ERBB4: variants seen among roughly 807,000 people sequenced by gnomAD.
The protein encoded by ERBB4 is receptor tyrosine-protein kinase erbB-4.
In ERBB4, 42 loss-of-function variants were observed where a neutral mutation model predicts 158.0. That is an observed-to-expected ratio of 0.27 (90% CI 0.21 to 0.34). ERBB4 has a LOEUF of 0.34. Ranked by LOEUF, ERBB4 falls within the 10% of genes least tolerant of loss-of-function variation. The probability of loss-of-function intolerance (pLI) is 1.00; values close to 1 mark genes in which losing one functional copy is unlikely to be tolerated. For synonymous variants in ERBB4, 583 were observed against 558.7 expected, an observed-to-expected ratio of 1.04 and a Z score of -0.61; for missense variants, 1,333 against 1,624.1, an observed-to-expected ratio of 0.82 and a Z score of 3.08.
rs181106637 is a variant in ERBB4 at position 211,549,310 on chromosome 2, C to A, written c.2487+12593G>T. 2.6e-5 allele frequency among the ~76,000 whole-genome samples: 4 copies of A among 151,966 alleles called. 1 individual carries two copies. The highest frequency in any genetic ancestry group is 9.7e-5 in the African/African-American group (4 of 41,396). On this transcript the variant is annotated intron_variant, in intron 20 of 27. Transcript: ENST00000342788. ...GGAACATAGAAAAGGCAGAACTCAA[C>A]CACCTAGAAAACAAAAGGCTAGTTT...
At chr2:211,619,137 T>C (rs988416469) in intron 19 of ERBB4, 40 bp downstream of exon 19, 2 of 1,200,978 alleles carry the variant, frequency 1.7e-6, no homozygotes, top group Non-Finnish European at 1.2e-6. Context: ...GGCTATTTGA[T>C]AATGGAGAAA....
intron 3 of ERBB4, among the ~76,000 whole-genome samples, chr2:211,828,295 T>G (rs1407446835): frequency 6.6e-6 from 1 of 152,140 alleles, no homozygotes; most frequent in Non-Finnish European, 1.5e-5. Flanking sequence ...TGTAGTTACG[T>G]ATTAACGAGG....
At chr2:211,784,120 A>G (rs2076100865) in intron 4 of ERBB4, among the ~76,000 whole-genome samples, 2 of 152,216 alleles carry the variant, frequency 1.3e-5, no homozygotes, top group Admixed American at 1.3e-4. Context: ...AGAGAACATA[A>G]TATTTACCAT....
intron 20 of ERBB4, among the ~76,000 whole-genome samples, chr2:211,485,847 A>G (rs2065191177): frequency 6.9e-6 from 1 of 144,114 alleles, no homozygotes; most frequent in Non-Finnish European, 1.5e-5. Flanking sequence ...CCTAAAACTT[A>G]AAGTATAATA....
intron 1 of ERBB4, among the ~76,000 whole-genome samples, chr2:212,415,656 G>T (rs970993917): frequency 2.6e-5 from 4 of 151,964 alleles, no homozygotes; most frequent in African/African-American, 9.7e-5. Flanking sequence ...TTATTTAGAA[G>T]ACATTGATAT....
chr2:211,483,894 A>C (rs1475759897), intron 20 of ERBB4, among the ~76,000 whole-genome samples: 1 of 152,190 alleles, frequency 6.6e-6, no homozygotes, highest in Non-Finnish European at 1.5e-5. Flanking sequence ...ACAAGTAAGA[A>C]GATAAAGAGC....
intron 2 of ERBB4, among the ~76,000 whole-genome samples, chr2:211,965,776 TA>T (rs1241108491): frequency 2.5e-4 from 38 of 152,344 alleles, no homozygotes; most frequent in African/African-American, 8.7e-4. Flanking sequence ...TTGATTTCTA[TA>T]TATTTCTATA....
intron 3 of ERBB4, among the ~76,000 whole-genome samples, chr2:211,943,797 TA>T (rs1319426803): frequency 6.6e-6 from 1 of 152,056 alleles, no homozygotes. Flanking sequence ...TGAAAGTATG[TA>T]AATAAGATCT....
chr2:211,794,217 T>C (rs1575157456), intron 3 of ERBB4, among the ~76,000 whole-genome samples: 2 of 152,062 alleles, frequency 1.3e-5, no homozygotes, highest in African/African-American at 4.8e-5. Flanking sequence ...CTACAATTCT[T>C]AGCTTTCATT....
chr2:212,000,118 C>T (rs761461886), intron 2 of ERBB4, among the ~76,000 whole-genome samples: 6 of 151,620 alleles, frequency 4.0e-5, no homozygotes, highest in Non-Finnish European at 8.9e-5. Context: ...AAGGTATTAA[C>T]ACTACCATTT....
chr2:211,965,335 T>C (rs2081284482), intron 2 of ERBB4, among the ~76,000 whole-genome samples: 1 of 152,208 alleles, frequency 6.6e-6, no homozygotes, highest in South Asian at 2.1e-4. Context: ...TTTAAATCAC[T>C]GACAATAATT....
Position 211,732,805 on chromosome 2 carries a change from G to A in ERBB4, c.623-7611C>T, listed in dbSNP as rs868455730. ...CCATCTCTACTAAAAAAGAAACCCC[G>A]TCTCTACTAAAAAGTACAAAAATTA... is the stretch of plus-strand genomic sequence containing the variant. On this transcript the variant is annotated intron_variant, in intron 5 of 27. Transcript: ENST00000342788. Among the ~76,000 whole-genome samples, 28 of 152,080 alleles carry A rather than the reference G, an allele frequency of 1.8e-4. No homozygotes were observed. In the South Asian group the frequency reaches 2.7e-3, roughly 15 times the overall value.
At chr2:212,177,188 G>A (rs1326951767) in intron 1 of ERBB4, among the ~76,000 whole-genome samples, 1 of 151,190 alleles carries the variant, frequency 6.6e-6, no homozygotes, top group Admixed American at 6.6e-5. Context: ...TTTTTTGTAA[G>A]GTAAAAAAAT....
intron 9 of ERBB4, 31 bp downstream of exon 9, chr2:211,712,018 TA>T: frequency 6.3e-7 from 1 of 1,589,876 alleles, no homozygotes; most frequent in Non-Finnish European, 8.6e-7. Context: ...CTACACTTTG[TA>T]AAATAACTTG....
chr2:211,890,209 G>A (rs1398198646), intron 3 of ERBB4, among the ~76,000 whole-genome samples: 4 of 86,452 alleles, frequency 4.6e-5, no homozygotes, highest in Admixed American at 1.3e-4. Flanking sequence ...CGGATCTCTC[G>A]GCAGAAACCC....
intron 20 of ERBB4, among the ~76,000 whole-genome samples, chr2:211,512,482 C>G (rs1476579525): frequency 6.6e-6 from 1 of 151,358 alleles, no homozygotes; most frequent in East Asian, 1.9e-4. Context: ...AAAGAAACTT[C>G]CTAAAAATAT....
intron 3 of ERBB4, among the ~76,000 whole-genome samples, chr2:211,890,407 G>C (rs968685029): frequency 2.2e-4 from 32 of 148,222 alleles, no homozygotes; most frequent in African/African-American, 8.2e-4. Flanking sequence ...TGAAGGAAGC[G>C]CTAAACATGG....
intron 2 of ERBB4, among the ~76,000 whole-genome samples, chr2:211,980,012 G>T (rs2081744554): frequency 6.6e-6 from 1 of 152,138 alleles, no homozygotes; most frequent in African/African-American, 2.4e-5. Flanking sequence ...CATGCTGAGA[G>T]TGAGATTCCT....
chr2:212,318,781 T>C (rs753418142), intron 1 of ERBB4, among the ~76,000 whole-genome samples: 41 of 151,598 alleles, frequency 2.7e-4, no homozygotes, highest in Admixed American at 5.3e-4. Context: ...AAAGGCTTCT[T>C]ATTTTTTATC....
Sources: allele counts gnomAD v4.1 joint callset (sites outside exome capture counted in the v4.1 genomes callset), GRCh38; gene constraint gnomAD v4.1.1; transcripts MANE v1.5; gene names NCBI Gene and HGNC (gene_info 2026-07-23, HGNC 2026-07-21).